NBPF20: variants seen among roughly 807,000 people sequenced by gnomAD.
The protein encoded by NBPF20 is NBPF family member NBPF20.
NBPF20 carries 90 observed loss-of-function variants against 68.1 expected under a neutral mutation model. That is an observed-to-expected ratio of 1.32 (90% CI 1.11 to 1.58). The LOEUF (loss-of-function observed/expected upper bound fraction) is 1.58. Among genes scored for constraint, NBPF20 ranks in the 40% most tolerant of loss-of-function variants. The probability of loss-of-function intolerance (pLI) is 0.00; values close to 1 mark genes in which losing one functional copy is unlikely to be tolerated. For synonymous variants in NBPF20, 290 were observed against 228.1 expected (o/e 1.27, Z -2.45); for missense variants, 816 against 601.2 (o/e 1.36, Z -3.74).
chr1:145,393,990 A>G (rs1553663066), intron 8 of NBPF20, 55 bp from the exon 14 acceptor site: 75 of 913,152 alleles, frequency 8.2e-5, no homozygotes, highest in Non-Finnish European at 1.0e-4. Flanking sequence ...CCTTGCACAC[A>G]GAAACATTCC....
chr1:145,400,673 G>C lies in NBPF20; in HGVS notation c.567-79C>G, dbSNP rs1328440275. 26 of 1,537,682 alleles carry C rather than the reference G, an allele frequency of 1.7e-5. No individual in the cohort carries two copies. In the Admixed American group the frequency reaches 3.7e-4, roughly 22 times the overall value. ...ACCCCAGGGAGTCCTAGCTGGTTTT[G>C]ACAGGCGGCATTAAGAGAGTGGTCC... On this transcript the variant is annotated intron_variant, in intron 5 of 137. Coordinates refer to ENST00000369373, the Ensembl canonical transcript of NBPF20.
chr1:145,408,265 C>T (rs587644892), upstream of NBPF20: 5 of 156,164 alleles, frequency 3.2e-5, no homozygotes, highest in Admixed American at 2.0e-4. Flanking sequence ...GAGTCATTAC[C>T]CCACACACCT....
Position 145,401,039 on chromosome 1 carries a change from T to A in NBPF20, c.566+20A>T, listed in dbSNP as rs1459660005. 4.4e-6 allele frequency: 7 copies of A among 1,583,486 alleles called. No individual in the cohort carries two copies. The African/African-American group carries it at 9.4e-5, about 21-fold the overall frequency. On this transcript the variant is annotated intron_variant, in intron 5 of 137. Coordinates refer to ENST00000369373, the Ensembl canonical transcript of NBPF20. ...TCATATGTTACCATCCATTAATTGT[T>A]CCTGAGTATTCAGTGTTACCTGGGG... is the stretch of plus-strand genomic sequence containing the variant.
At chr1:145,290,301 A>G (rs1553656973) in exon 138 of NBPF20, 1 of 149,194 alleles carries the variant, frequency 6.7e-6, no homozygotes, top group Non-Finnish European at 1.5e-5. Flanking sequence ...TGTCTCTAAA[A>G]GGGACAGATC....
intron 3 of NBPF20, 79 bp from the exon 9 acceptor site, chr1:145,402,460 G>C: frequency 1.3e-6 from 2 of 1,530,302 alleles, no homozygotes; most frequent in African/African-American, 1.4e-5. Context: ...AGATTTCTGA[G>C]ATAATGTCCT....
At chr1:145,395,779 A>G (rs1472310627) in intron 7 of NBPF20, among the ~76,000 whole-genome samples, 1 of 148,670 alleles carries the variant, frequency 6.7e-6, no homozygotes, top group Admixed American at 6.6e-5. Flanking sequence ...TAGAAGGAAA[A>G]CTAACACACA....
chr1:145,291,470 A>G (rs1194829035), exon 138 of NBPF20: 8 of 1,611,758 alleles, frequency 5.0e-6, no homozygotes, highest in Non-Finnish European at 5.9e-6. Context: ...TCAAATCTTC[A>G]CGTGCCTATA....
chr1:145,393,532 G>C (rs1379482196), intron 9 of NBPF20, among the ~76,000 whole-genome samples: 1 of 151,628 alleles, frequency 6.6e-6, no homozygotes, highest in African/African-American at 2.4e-5. Flanking sequence ...CACTGATGAG[G>C]GAGTCAAAGG....
rs1369888473 is a variant in NBPF20, at chr1:145,393,647, A to G, written c.1043+237T>C. 6.5e-6 allele frequency: 7 copies of G among 1,081,648 alleles called. No homozygotes were observed. The East Asian group carries it at 1.3e-4, about 20-fold the overall frequency. The allele number at this position is 1,081,648 out of a possible 1,614,324, so 67.0% of individuals were successfully genotyped here. A position where few individuals can be genotyped will look rare whatever the true frequency, so the allele number is the denominator to read the frequency against. On this transcript the variant is annotated intron_variant, in intron 9 of 137. Coordinates refer to ENST00000369373, the Ensembl canonical transcript of NBPF20. ...GTGCTCAAGTTTCCCTGCAGTTACCATGAGAATACAGCTTTTGAGTTATGG... is the reference window on the plus strand; with the variant it reads ...GTGCTCAAGTTTCCCTGCAGTTACCGTGAGAATACAGCTTTTGAGTTATGG...
At chr1:145,377,672 C>T (rs1206642798) in intron 29 of NBPF20, among the ~76,000 whole-genome samples, 1 of 139,844 alleles carries the variant, frequency 7.2e-6, no homozygotes. Flanking sequence ...AGAAAGTGAG[C>T]TCAGCGAGTT....
At chr1:145,400,510 A>C in exon 6 of NBPF20, 1 of 1,612,962 alleles carries the variant, frequency 6.2e-7, no homozygotes, top group African/African-American at 1.3e-5. Flanking sequence ...TGGAGTCATA[A>C]GGGCCATGGC....
At chr1:145,422,781 G>C in the NBPF20 span, among the ~76,000 whole-genome samples, 8 of 152,118 alleles carry the variant, frequency 5.3e-5, no homozygotes, top group East Asian at 1.9e-4. Flanking sequence ...TTGAGCCCAA[G>C]AGTTTGAGAC....
intron 137 of NBPF20, 131 bp from the exon 143 acceptor site, chr1:145,291,900 A>C (rs1462515407): frequency 8.9e-6 from 14 of 1,567,026 alleles, no homozygotes; most frequent in Non-Finnish European, 1.1e-5. Flanking sequence ...GAGGTAAAAA[A>C]AAAATTTATT....
At chr1:145,410,638 C>CTG in the NBPF20 span, among the ~76,000 whole-genome samples, 1 of 149,922 alleles carries the variant, frequency 6.7e-6, no homozygotes, top group Non-Finnish European at 1.5e-5. Context: ...TCTGAAGTAT[C>CTG]TAAGTCTTTT....
At chr1:145,393,412 G>A (rs1571359396) in intron 9 of NBPF20, among the ~76,000 whole-genome samples, 166 bp from the exon 15 acceptor site, 1 of 150,634 alleles carries the variant, frequency 6.6e-6, no homozygotes, top group Non-Finnish European at 1.5e-5. Flanking sequence ...CTAGGGCCAG[G>A]TAGAAAAGGA....
exon 138 of NBPF20, chr1:145,291,446 A>C: frequency 6.2e-7 from 1 of 1,611,728 alleles, no homozygotes; most frequent in Non-Finnish European, 8.5e-7. Flanking sequence ...TTCCAAATGG[A>C]ACTGTACTTT....
the NBPF20 span, among the ~76,000 whole-genome samples, chr1:145,412,052 A>G: frequency 7.5e-6 from 1 of 132,956 alleles, no homozygotes; most frequent in Non-Finnish European, 1.6e-5. Context: ...GCCTGAATTA[A>G]AGCTGATGGG....
At chr1:145,290,087 T>C (rs1345195800) in exon 138 of NBPF20, 6 of 149,704 alleles carry the variant, frequency 4.0e-5, no homozygotes, top group Non-Finnish European at 8.8e-5. Context: ...GTCTTCTTCT[T>C]TTTGCAACAG....
chr1:145,425,141 G>A, the NBPF20 span, among the ~76,000 whole-genome samples: 1 of 152,142 alleles, frequency 6.6e-6, no homozygotes, highest in Non-Finnish European at 1.5e-5. Flanking sequence ...CAGCGCCCAA[G>A]AGATGAGGGC....
Sources: gnomAD v4.1 joint callset for allele counts (sites outside exome capture counted in the v4.1 genomes callset) on GRCh38, gnomAD v4.1.1 for gene constraint, MANE v1.5 for transcripts, NCBI Gene and HGNC (gene_info 2026-07-23, HGNC 2026-07-21) for gene names.